The following UGT1A9 variants were observed in gnomAD, a reference collection of about 807,000 sequenced individuals.
The protein encoded by UGT1A9 is UDP glucuronosyltransferase family 1 member A9.
Under a neutral mutation model 45.0 loss-of-function variants are expected in UGT1A9, and 35 were observed. The ratio of observed to expected loss-of-function variants is 0.78; its 90% CI spans 0.59 to 1.03. UGT1A9 has a LOEUF of 1.03. Among genes scored for constraint, UGT1A9 ranks in the 50% least tolerant of loss-of-function variants. The pLI, the probability that UGT1A9 is intolerant of heterozygous loss-of-function variation, is 0.00. For missense variants in UGT1A9, 687 were observed against 666.6 expected (o/e 1.03, Z -0.34); for synonymous variants, 278 against 250.6 (o/e 1.11, Z -1.03).
intron 1 of UGT1A9, chr2:233,743,518 C>A: frequency 1.5e-6 from 2 of 1,367,324 alleles, no homozygotes; most frequent in Non-Finnish European, 9.8e-7. Flanking sequence ...CGCTCTGCTT[C>A]TGCTTCCCCA....
intron 1 of UGT1A9, among the ~76,000 whole-genome samples, chr2:233,685,285 C>T (rs4338954): frequency 2.0e-5 from 3 of 151,892 alleles, no homozygotes; most frequent in Admixed American, 1.3e-4. Context: ...CGCCCGCCTC[C>T]GCCTTTCAAA....
chr2:233,753,865 C>T (rs560460253), intron 1 of UGT1A9, among the ~76,000 whole-genome samples: 1 of 152,330 alleles, frequency 6.6e-6, no homozygotes, highest in East Asian at 1.9e-4. Context: ...CACATAACCC[C>T]AAGGTCTGTC....
At position 233,697,083 on chromosome 2, in the gene UGT1A9, CT is replaced by C. The variant is rs529192825; in HGVS notation, c.855+24295del. 1.1e-4 allele frequency among the ~76,000 whole-genome samples: 16 copies of C among 152,102 alleles called. No homozygotes were observed. In the East Asian group the frequency reaches 3.1e-3, roughly 29 times the overall value. On this transcript the variant is annotated intron_variant, in intron 1 of 4. Coordinates refer to ENST00000354728, the MANE Select transcript of UGT1A9 (RefSeq NM_021027.3). ...GTCTGGTTTTGGTATCAGGGTAACA[CT>C]GGTCTCACAGGATGAGTTTGGAAGT...
At chr2:233,713,971 G>C (rs1303952104) in intron 1 of UGT1A9, 1 of 1,600,252 alleles carries the variant, frequency 6.2e-7, no homozygotes, top group Non-Finnish European at 8.5e-7. Flanking sequence ...TTTCATTTCT[G>C]CTTCTCATTG....
At chr2:233,760,529 T>C (rs1169787218) in intron 1 of UGT1A9, 1 of 1,614,248 alleles carries the variant, frequency 6.2e-7, no homozygotes, top group Middle Eastern at 1.6e-4. Flanking sequence ...ACGTACCCTG[T>C]GCCATTCCAA....
chr2:233,690,315 G>T (rs2074985024), intron 1 of UGT1A9, among the ~76,000 whole-genome samples: 1 of 152,108 alleles, frequency 6.6e-6, no homozygotes, highest in Admixed American at 6.5e-5. Context: ...TTACTTATGG[G>T]TCGTAGGTCA....
At chr2:233,683,301 A>C (rs1326202137) in intron 1 of UGT1A9, among the ~76,000 whole-genome samples, 1 of 152,134 alleles carries the variant, frequency 6.6e-6, no homozygotes, top group Non-Finnish European at 1.5e-5. Flanking sequence ...TTTACAGGTC[A>C]ATGCATACAG....
chr2:233,704,256 C>CTTTTTTTTTTT (rs59925871), intron 1 of UGT1A9, among the ~76,000 whole-genome samples: 4 of 123,654 alleles, frequency 3.2e-5, no homozygotes, highest in Non-Finnish European at 6.5e-5. Flanking sequence ...GCCTTTATTG[C>CTTTTTTTTTTT]TTTTTTTTTT....
At chr2:233,743,641 G>A (rs750445210) in intron 1 of UGT1A9, 2 of 1,367,204 alleles carry the variant, frequency 1.5e-6, no homozygotes, top group East Asian at 4.5e-5. Context: ...GGTCGCGGAA[G>A]CTGAAGACGT....
chr2:233,698,513 C>T (rs372475227), intron 1 of UGT1A9, among the ~76,000 whole-genome samples: 6 of 152,124 alleles, frequency 3.9e-5, no homozygotes, highest in Non-Finnish European at 5.9e-5. Context: ...ATCACATAAT[C>T]GGCAATACAT....
intron 1 of UGT1A9, among the ~76,000 whole-genome samples, chr2:233,700,822 T>G (rs536912731): frequency 2.6e-5 from 4 of 152,262 alleles, no homozygotes; most frequent in Non-Finnish European, 4.4e-5. Flanking sequence ...GCTGCACCCA[T>G]TAACTCGTCA....
At chr2:233,688,945 G>A (rs2074920511) in intron 1 of UGT1A9, among the ~76,000 whole-genome samples, 1 of 152,172 alleles carries the variant, frequency 6.6e-6, no homozygotes, top group African/African-American at 2.4e-5. Flanking sequence ...GCAGCATGAA[G>A]CCAAATGTTT....
intron 1 of UGT1A9, among the ~76,000 whole-genome samples, chr2:233,709,406 C>T (rs1395149739): frequency 1.3e-5 from 2 of 152,072 alleles, no homozygotes; most frequent in Non-Finnish European, 2.9e-5. Context: ...TATGGGTGAA[C>T]ACTCAATAAG....
At chr2:233,703,929 T>C (rs2125594300) in intron 1 of UGT1A9, among the ~76,000 whole-genome samples, 1 of 152,142 alleles carries the variant, frequency 6.6e-6, no homozygotes, top group East Asian at 1.9e-4. Context: ...CTCATTCTGT[T>C]ACCCAGACTG....
At chr2:233,718,271 A>C (rs1315194917) in intron 1 of UGT1A9, among the ~76,000 whole-genome samples, 1 of 152,228 alleles carries the variant, frequency 6.6e-6, no homozygotes, top group Non-Finnish European at 1.5e-5. Flanking sequence ...GTGTGAAAAA[A>C]GACCAAAACC....
intron 1 of UGT1A9, chr2:233,747,636 A>C: frequency 3.8e-6 from 6 of 1,581,726 alleles, no homozygotes; most frequent in East Asian, 2.2e-5. Context: ...CAGGCACCTG[A>C]ATGCTACTTC....
intron 1 of UGT1A9, chr2:233,744,028 CT>C: frequency 1.1e-6 from 1 of 877,624 alleles, no homozygotes; most frequent in African/African-American, 1.8e-5. Flanking sequence ...AGAGACGCCC[CT>C]TATGACGCAG....
At chr2:233,719,518 G>A (rs751977605) in intron 1 of UGT1A9, 2 of 1,613,954 alleles carry the variant, frequency 1.2e-6, no homozygotes, top group Non-Finnish European at 1.7e-6. Context: ...CCTTATGCAA[G>A]TCTTGCCTCT....
intron 1 of UGT1A9, chr2:233,712,898 A>G: frequency 6.2e-7 from 1 of 1,608,042 alleles, no homozygotes; most frequent in East Asian, 2.2e-5. Context: ...TTGATTTGCT[A>G]GGTGTCTCAG....
Sources: gnomAD v4.1 joint callset for allele counts (sites outside exome capture counted in the v4.1 genomes callset) on GRCh38, gnomAD v4.1.1 for gene constraint, MANE v1.5 for transcripts, NCBI Gene and HGNC (gene_info 2026-07-23, HGNC 2026-07-21) for gene names.